HPSE2: variants seen among roughly 807,000 people sequenced by gnomAD.
HPSE2 encodes the protein heparanase 2 (inactive).
Under a neutral mutation model 60.5 loss-of-function variants are expected in HPSE2, and 38 were observed. The observed-to-expected ratio is 0.63, with a 90% confidence interval of 0.48 to 0.82. The LOEUF is 0.82. Among genes scored for constraint, HPSE2 ranks in the 40% least tolerant of loss-of-function variants. The pLI is 0.00. For missense variants in HPSE2, 713 were observed against 740.4 expected, an observed-to-expected ratio of 0.96 and a Z score of 0.43; for synonymous variants, 295 against 293.2, an observed-to-expected ratio of 1.01 and a Z score of -0.06.
chr10:99,232,513 G>C lies in HPSE2; in HGVS notation c.291-8C>G. 1 of 1,551,930 alleles carries C rather than the reference G, an allele frequency of 6.4e-7. No individual in the cohort carries two copies. The highest frequency in any genetic ancestry group is 8.7e-7 in the Non-Finnish European group (1 of 1,148,034). ...GTCACCAAGCGCTTGGAGCTGCAGA[G>C]GAAGAGAATAAGAGAGGAAAGGTTC... On this transcript the variant is annotated splice_region_variant and splice_polypyrimidine_tract_variant and intron_variant, in intron 1 of 11. Coordinates refer to ENST00000370552, the MANE Select transcript of HPSE2 (RefSeq NM_021828.5).
At chr10:99,238,591 G>A (rs1057079199), upstream of HPSE2, among the ~76,000 whole-genome samples, 2 of 152,152 alleles carry the variant, frequency 1.3e-5, no homozygotes, top group Non-Finnish European at 1.5e-5. Context: ...GTTAGCCCTC[G>A]TTGGTCTCTA....
chr10:98,867,224 A>G (rs978021112), intron 3 of HPSE2, among the ~76,000 whole-genome samples: 1 of 152,092 alleles, frequency 6.6e-6, no homozygotes, highest in Admixed American at 6.6e-5. Context: ...TTGGGGAGAA[A>G]ATACTTGCAA....
intron 3 of HPSE2, among the ~76,000 whole-genome samples, chr10:99,006,962 G>A (rs1956908925): frequency 6.6e-6 from 1 of 152,192 alleles, no homozygotes; most frequent in Non-Finnish European, 1.5e-5. Flanking sequence ...GGGGCTAGGT[G>A]GGTCTGGAGC....
At chr10:99,030,148 G>C (rs1957468681) in intron 3 of HPSE2, among the ~76,000 whole-genome samples, 1 of 152,058 alleles carries the variant, frequency 6.6e-6, no homozygotes, top group South Asian at 2.1e-4. Context: ...TATAATATTG[G>C]GATAAAGAGT....
chr10:98,983,091 C>T (rs1296967689), intron 3 of HPSE2, among the ~76,000 whole-genome samples: 2 of 152,130 alleles, frequency 1.3e-5, no homozygotes, highest in Non-Finnish European at 2.9e-5. Context: ...TGTTTGGCAC[C>T]AGGGACCAGT....
At chr10:99,068,862 C>T (rs1055336830) in intron 3 of HPSE2, among the ~76,000 whole-genome samples, 8 of 152,008 alleles carry the variant, frequency 5.3e-5, no homozygotes, top group African/African-American at 1.9e-4. Flanking sequence ...ATAAATTAGA[C>T]AACTTGGGTG....
At chr10:99,294,590 C>A in the HPSE2 span, among the ~76,000 whole-genome samples, 32 of 151,296 alleles carry the variant, frequency 2.1e-4, no homozygotes, top group African/African-American at 7.5e-4. Context: ...GTGGGACTGG[C>A]AAGTTGTAAA....
chr10:98,534,963 CAT>C (rs1428143792), intron 9 of HPSE2, among the ~76,000 whole-genome samples: 1 of 121,754 alleles, frequency 8.2e-6, no homozygotes, highest in African/African-American at 2.5e-5. Context: ...AAAAAGTTAG[CAT>C]GTTACCTCCT....
chr10:98,875,959 TA>T (rs1197124949), intron 3 of HPSE2, among the ~76,000 whole-genome samples: 2 of 151,936 alleles, frequency 1.3e-5, no homozygotes, highest in Admixed American at 1.3e-4. Context: ...CAGCTTGAAT[TA>T]AAAAAATACA....
At chr10:98,977,410 T>C (rs1440011281) in intron 3 of HPSE2, among the ~76,000 whole-genome samples, 1 of 152,210 alleles carries the variant, frequency 6.6e-6, no homozygotes, top group Non-Finnish European at 1.5e-5. Flanking sequence ...GGATGTACAC[T>C]GGGGAGGTAC....
chr10:99,298,393 C>G, the HPSE2 span, among the ~76,000 whole-genome samples: 1 of 152,244 alleles, frequency 6.6e-6, no homozygotes, highest in Non-Finnish European at 1.5e-5. Flanking sequence ...CTAACTGAAA[C>G]CCCTTGTAGT....
chr10:99,100,786 C>T (rs1317395831), intron 3 of HPSE2, among the ~76,000 whole-genome samples: 2 of 152,174 alleles, frequency 1.3e-5, no homozygotes, highest in African/African-American at 4.8e-5. Flanking sequence ...AGACTAACAG[C>T]AGATCTCTCG....
chr10:98,569,152 C>T (rs559868816), intron 9 of HPSE2, among the ~76,000 whole-genome samples: 2 of 151,896 alleles, frequency 1.3e-5, no homozygotes, highest in Admixed American at 6.6e-5. Context: ...CAATCTCCAC[C>T]TCCTGGGTTC....
chr10:98,654,992 CA>C (rs1411107728), intron 6 of HPSE2, among the ~76,000 whole-genome samples: 1 of 152,140 alleles, frequency 6.6e-6, no homozygotes, highest in African/African-American at 2.4e-5. Flanking sequence ...TGAACTCTAT[CA>C]GTTGTATTCA....
chr10:99,092,074 TGATCA>T (rs1843534341), intron 3 of HPSE2, among the ~76,000 whole-genome samples: 1 of 152,190 alleles, frequency 6.6e-6, no homozygotes, highest in Admixed American at 6.5e-5. Context: ...AAAGAGTTAC[TGATCA>T]AATAAAATTA....
At chr10:99,207,254 C>T (rs1848781875) in intron 2 of HPSE2, among the ~76,000 whole-genome samples, 1 of 152,104 alleles carries the variant, frequency 6.6e-6, no homozygotes, top group African/African-American at 2.4e-5. Context: ...ATGACATATT[C>T]TAAGGGCTAA....
In HPSE2 at chr10:98,964,996, T is replaced by C. The variant is rs1191947962; in HGVS notation, c.610+179242A>G. On this transcript the variant is annotated intron_variant, in intron 3 of 11. Coordinates refer to ENST00000370552, the MANE Select transcript of HPSE2 (RefSeq NM_021828.5). ...CTTAATATTCATAACTTGATTCTCA[T>C]GTTTCCAATTTCCAGATAGAGCCAC... is the stretch of plus-strand genomic sequence containing the variant. 3.9e-5 allele frequency among the ~76,000 whole-genome samples: 6 copies of C among 152,158 alleles called. No homozygotes were observed. The East Asian group carries it at 1.2e-3, about 29-fold the overall frequency.
At chr10:98,986,742 C>T (rs1455131968) in intron 3 of HPSE2, among the ~76,000 whole-genome samples, 2 of 151,494 alleles carry the variant, frequency 1.3e-5, no homozygotes, top group Non-Finnish European at 2.9e-5. Flanking sequence ...TGATAGACTG[C>T]TAGCTAGACT....
intron 2 of HPSE2, 24 bp downstream of exon 2, chr10:99,232,324 A>C (rs1849681454): frequency 6.4e-7 from 1 of 1,551,150 alleles, no homozygotes; most frequent in Non-Finnish European, 8.7e-7. Flanking sequence ...TCCCCAAATA[A>C]AGAATGGTAA....
Sources: gnomAD v4.1 joint callset for allele counts (sites outside exome capture counted in the v4.1 genomes callset) on GRCh38, gnomAD v4.1.1 for gene constraint, MANE v1.5 for transcripts, NCBI Gene and HGNC (gene_info 2026-07-23, HGNC 2026-07-21) for gene names.